Variants in LPP observed in about 807,000 individuals in gnomAD.
The protein encoded by LPP is LIM domain containing preferred translocation partner in lipoma.
In LPP, 38 loss-of-function variants were observed where a neutral mutation model predicts 60.4. The ratio of observed to expected loss-of-function variants is 0.63; its 90% CI spans 0.49 to 0.83. The LOEUF (loss-of-function observed/expected upper bound fraction) is 0.83. LPP is among the 40% of genes least tolerant of loss of function. LPP has a pLI of 0.00. For missense variants in LPP, 902 were observed against 783.6 expected (o/e 1.15, Z -1.80); for synonymous variants, 328 against 290.8 (o/e 1.13, Z -1.30).
At chr3:188,332,565 G>T (rs1389894342) in intron 2 of LPP, among the ~76,000 whole-genome samples, 3 of 152,098 alleles carry the variant, frequency 2.0e-5, no homozygotes, top group Admixed American at 6.6e-5. Flanking sequence ...ACATACTAAA[G>T]ACCAGATGCT....
chr3:188,774,743 C>G (rs1737180955), intron 9 of LPP, among the ~76,000 whole-genome samples: 1 of 152,114 alleles, frequency 6.6e-6, no homozygotes, highest in African/African-American at 2.4e-5. Context: ...TCACTGTGTC[C>G]TTACATGGTG....
intron 9 of LPP, among the ~76,000 whole-genome samples, chr3:188,777,649 G>A (rs1738263199): frequency 6.6e-6 from 1 of 152,142 alleles, no homozygotes; most frequent in Non-Finnish European, 1.5e-5. Context: ...GTCTTGGCAT[G>A]TCTTTTGTCT....
chr3:188,308,961 CTTCTCCT>C (rs1362055374), intron 2 of LPP, among the ~76,000 whole-genome samples: 2 of 151,600 alleles, frequency 1.3e-5, no homozygotes, highest in South Asian at 4.2e-4. Flanking sequence ...TCCCTTCTCC[CTTCTCCT>C]TTCTCCTTCT....
At chr3:188,484,262 A>T (rs1251789627) in intron 4 of LPP, among the ~76,000 whole-genome samples, 1 of 152,066 alleles carries the variant, frequency 6.6e-6, no homozygotes, top group East Asian at 1.9e-4. Flanking sequence ...CCTCTATTTG[A>T]TTGAAAATGT....
intron 9 of LPP, among the ~76,000 whole-genome samples, chr3:188,791,183 G>A (rs1337886888): frequency 1.3e-5 from 2 of 152,262 alleles, no homozygotes; most frequent in African/African-American, 4.8e-5. Flanking sequence ...TGGTCATTCT[G>A]CAGATCAAGG....
At chr3:188,341,614 G>T in intron 2 of LPP, 49 bp from the exon 3 acceptor site, 1 of 677,868 alleles carries the variant, frequency 1.5e-6, no homozygotes, top group South Asian at 6.9e-5. Flanking sequence ...AATAAATATG[G>T]GTTTGGTGTC....
At chr3:188,768,425 TA>T (rs1347188645) in intron 9 of LPP, among the ~76,000 whole-genome samples, 1 of 152,204 alleles carries the variant, frequency 6.6e-6, no homozygotes, top group African/African-American at 2.4e-5. Context: ...TACCACATAA[TA>T]AAACATTCCA....
At chr3:188,169,995 C>T (rs2148792449) in intron 1 of LPP, among the ~76,000 whole-genome samples, 1 of 152,276 alleles carries the variant, frequency 6.6e-6, no homozygotes, top group East Asian at 1.9e-4. Context: ...ACTGTGTAGG[C>T]AGAGAGGCCT....
At position 188,729,358 on chromosome 3, in the gene LPP, T is replaced by G. The variant is rs185602979; in HGVS notation, c.1240+20965T>G. Among the ~76,000 whole-genome samples, 1,102 of 152,304 alleles carry G rather than the reference T, an allele frequency of 7.2e-3. 4 individuals carry two copies. Among genetic ancestry groups the G allele is most frequent in the Non-Finnish European group, 0.011 (722 of 68,032 alleles). ...GAAGGATGTTTTGGATGTTTACCTGTGCAAAATGGGAAATTGTTGACTATT... is the reference window on the plus strand; with the variant it reads ...GAAGGATGTTTTGGATGTTTACCTGGGCAAAATGGGAAATTGTTGACTATT... On this transcript the variant is annotated intron_variant, in intron 8 of 11. Transcript: ENST00000617246.
intron 2 of LPP, among the ~76,000 whole-genome samples, chr3:188,238,024 G>A (rs1177994500): frequency 1.3e-5 from 2 of 152,202 alleles, no homozygotes; most frequent in Non-Finnish European, 2.9e-5. Flanking sequence ...ACCTTCGTCA[G>A]TGATCTTAGC....
intron 6 of LPP, among the ~76,000 whole-genome samples, chr3:188,599,792 T>TGTGTGTGTGTGTG (rs1479284185): frequency 1.2e-3 from 90 of 76,868 alleles, no homozygotes; most frequent in Non-Finnish European, 2.0e-3. Context: ...GTGTGTGTGG[T>TGTGTGTGTGTGTG]GTGTGCTTTA....
At chr3:188,550,168 T>G (rs1827717479) in intron 6 of LPP, among the ~76,000 whole-genome samples, 1 of 152,204 alleles carries the variant, frequency 6.6e-6, no homozygotes, top group African/African-American at 2.4e-5. Flanking sequence ...CCATAAATTT[T>G]TTAATGGAAC....
At chr3:188,461,044 A>T (rs1272824115) in intron 4 of LPP, among the ~76,000 whole-genome samples, 1 of 152,182 alleles carries the variant, frequency 6.6e-6, no homozygotes, top group African/African-American at 2.4e-5. Context: ...GACTTAGAGG[A>T]CTCCAGAGGA....
chr3:188,684,074 A>C (rs1860127305), intron 7 of LPP, among the ~76,000 whole-genome samples: 2 of 152,250 alleles, frequency 1.3e-5, no homozygotes, highest in South Asian at 4.1e-4. Context: ...GTCAAACTGC[A>C]AGACACATAC....
intron 2 of LPP, among the ~76,000 whole-genome samples, chr3:188,225,981 G>C (rs1038435187): frequency 2.0e-5 from 3 of 152,158 alleles, no homozygotes; most frequent in African/African-American, 7.2e-5. Context: ...TGTGCAAAGT[G>C]CTGCTTCTTT....
intron 4 of LPP, among the ~76,000 whole-genome samples, chr3:188,469,680 C>T (rs898343097): frequency 6.6e-6 from 1 of 152,044 alleles, no homozygotes; most frequent in South Asian, 2.1e-4. Context: ...GTTTTAGTTA[C>T]GGTCTTATGC....
chr3:188,315,541 TTGTA>T (rs1357303800), intron 2 of LPP, among the ~76,000 whole-genome samples: 2 of 152,204 alleles, frequency 1.3e-5, no homozygotes, highest in African/African-American at 4.8e-5. Flanking sequence ...AGATGCTTAT[TTGTA>T]TGCCTTAAGT....
In LPP at chr3:188,867,891, G is replaced by A. The variant is rs1053781951; in HGVS notation, c.1589+1513G>A. The stretch of plus-strand genomic sequence containing the variant: ...AACAGCCAGGAAGCACTTACCCCAA[G>A]GAGTTTGGAGATCTGAGACTCATAT... On this transcript the variant is annotated intron_variant, in intron 10 of 11. Coordinates refer to ENST00000617246, the MANE Select transcript of LPP (RefSeq NM_001375462.1). Among the ~76,000 whole-genome samples the A allele has an allele frequency of 4.6e-5, 7 of 152,234 alleles. No homozygotes were observed. In the South Asian group the frequency reaches 1.2e-3, roughly 27 times the overall value.
intron 1 of LPP, among the ~76,000 whole-genome samples, chr3:188,175,286 G>A (rs1722753099): frequency 1.3e-5 from 2 of 152,058 alleles, no homozygotes; most frequent in East Asian, 3.9e-4. Flanking sequence ...ATGACATTTT[G>A]CCATGTTGCC....
Sources: allele counts gnomAD v4.1 joint callset (sites outside exome capture counted in the v4.1 genomes callset), GRCh38; gene constraint gnomAD v4.1.1; transcripts MANE v1.5; gene names NCBI Gene and HGNC (gene_info 2026-07-23, HGNC 2026-07-21).